Variants in DOCK1 observed in about 807,000 individuals in gnomAD.
The protein encoded by DOCK1 is dedicator of cytokinesis protein 1.
DOCK1 carries 138 observed loss-of-function variants against 262.7 expected under a neutral mutation model. The observed-to-expected ratio is 0.53, with a 90% confidence interval of 0.46 to 0.61. The LOEUF (loss-of-function observed/expected upper bound fraction) is 0.61, where lower values mean the gene tolerates loss of function less well. Ranked by LOEUF, DOCK1 falls within the 20% of genes least tolerant of loss-of-function variation. DOCK1 has a pLI of 0.00. For synonymous variants in DOCK1, 866 were observed against 867.4 expected (o/e 1.00, Z 0.03); for missense variants, 1,908 against 2,370.7 (o/e 0.80, Z 4.05).
intron 28 of DOCK1, 27 bp downstream of exon 28, chr10:127,248,136 A>G (rs2059494697): frequency 6.2e-7 from 1 of 1,601,086 alleles, no homozygotes; most frequent in Admixed American, 1.7e-5. Flanking sequence ...CCCTGTTCAC[A>G]TAACCATGTT....
intron 27 of DOCK1, among the ~76,000 whole-genome samples, chr10:127,142,236 T>C (rs2051331972): frequency 6.6e-6 from 1 of 152,178 alleles, no homozygotes; most frequent in Non-Finnish European, 1.5e-5. Flanking sequence ...AGGGGCTCAT[T>C]CTACAGCCAC....
chr10:127,390,456 G>T (rs1271697084), intron 38 of DOCK1, among the ~76,000 whole-genome samples: 3 of 152,130 alleles, frequency 2.0e-5, no homozygotes, highest in African/African-American at 7.2e-5. Context: ...TTGGAGATAG[G>T]GTCTTTAAAG....
chr10:127,283,602 C>T (rs889508657), intron 29 of DOCK1, among the ~76,000 whole-genome samples: 5 of 152,230 alleles, frequency 3.3e-5, no homozygotes, highest in Non-Finnish European at 4.4e-5. Context: ...GATCTATTTA[C>T]ATGCATACTT....
intron 29 of DOCK1, among the ~76,000 whole-genome samples, chr10:127,316,559 TC>T (rs2062291302): frequency 6.6e-6 from 1 of 152,248 alleles, no homozygotes; most frequent in South Asian, 2.1e-4. Flanking sequence ...ATTTCTTCTT[TC>T]CTTTTTATAT....
intron 29 of DOCK1, among the ~76,000 whole-genome samples, chr10:127,265,195 C>G (rs956509017): frequency 6.6e-6 from 1 of 152,212 alleles, no homozygotes; most frequent in Non-Finnish European, 1.5e-5. Flanking sequence ...CTGACCTGAT[C>G]CATTCAGTCT....
intron 38 of DOCK1, among the ~76,000 whole-genome samples, chr10:127,395,393 A>G (rs6482866): frequency 0.41 from 62,928 of 151,912 alleles, 13,733 homozygotes; most frequent in Middle Eastern, 0.54. Context: ...CATCCCATTC[A>G]TGAGGGCTCC....
chr10:127,250,942 T>C (rs1468108102), intron 28 of DOCK1, among the ~76,000 whole-genome samples: 1 of 151,976 alleles, frequency 6.6e-6, no homozygotes, highest in Non-Finnish European at 1.5e-5. Flanking sequence ...ATACCGAGTA[T>C]ATGACTGTTT....
chr10:127,030,830 ATCTCTGTC>A (rs1239372880), intron 16 of DOCK1, among the ~76,000 whole-genome samples: 2 of 150,784 alleles, frequency 1.3e-5, no homozygotes, highest in Non-Finnish European at 3.0e-5. Flanking sequence ...CTCTATCTCT[ATCTCTGTC>A]TCTCTGTCAC....
At chr10:127,143,770 T>A (rs190976072) in intron 27 of DOCK1, among the ~76,000 whole-genome samples, 2 of 152,172 alleles carry the variant, frequency 1.3e-5, no homozygotes, top group African/African-American at 4.8e-5. Context: ...AAGTCCTTTC[T>A]GGGCCTTGGT....
intron 22 of DOCK1, among the ~76,000 whole-genome samples, chr10:127,056,043 G>A (rs2045118962): frequency 6.6e-6 from 1 of 152,184 alleles, no homozygotes; most frequent in Non-Finnish European, 1.5e-5. Context: ...TGAGACTGTT[G>A]AGGACACAAA....
chr10:126,960,060 G>C (rs900321606), intron 1 of DOCK1, among the ~76,000 whole-genome samples: 58 of 152,276 alleles, frequency 3.8e-4, no homozygotes, highest in Non-Finnish European at 7.8e-4. Context: ...CGCCCGCTTG[G>C]GGCTTACAGG....
intron 29 of DOCK1, among the ~76,000 whole-genome samples, chr10:127,328,119 C>CAAA (rs11301683): frequency 2.6e-3 from 186 of 72,516 alleles, no homozygotes; most frequent in East Asian, 5.0e-3. Flanking sequence ...TACAAATGGG[C>CAAA]AAAAAAAAAA....
chr10:127,126,494 G>C (rs921739455), intron 26 of DOCK1, among the ~76,000 whole-genome samples: 1 of 152,162 alleles, frequency 6.6e-6, no homozygotes, highest in Non-Finnish European at 1.5e-5. Flanking sequence ...GGTTTGGGAA[G>C]CCAAGGCAGG....
intron 51 of DOCK1, among the ~76,000 whole-genome samples, chr10:127,450,403 G>T (rs1189916625): frequency 6.6e-6 from 1 of 152,152 alleles, no homozygotes; most frequent in African/African-American, 2.4e-5. Flanking sequence ...TTTCATTCTG[G>T]TTCTTCTGCC....
intron 5 of DOCK1, 89 bp from the exon 6 acceptor site, chr10:126,990,366 A>T (rs536847265): frequency 9.7e-6 from 13 of 1,333,840 alleles, no homozygotes; most frequent in Admixed American, 4.6e-5. Context: ...CTTATACCTC[A>T]TGCGTATTTG....
intron 10 of DOCK1, among the ~76,000 whole-genome samples, 175 bp from the exon 11 acceptor site, chr10:127,008,557 G>A (rs1019050585): frequency 2.1e-5 from 3 of 144,204 alleles, no homozygotes; most frequent in Non-Finnish European, 4.6e-5. Flanking sequence ...ATTTGGGCCA[G>A]CATTTTCTGA....
At chr10:127,022,931 T>G (rs930864205) in intron 13 of DOCK1, among the ~76,000 whole-genome samples, 8 of 152,168 alleles carry the variant, frequency 5.3e-5, no homozygotes, top group Admixed American at 4.6e-4. Context: ...TCGGCTACCC[T>G]GAGAGGGGTA....
chr10:127,097,529 C>A (rs868785217), intron 23 of DOCK1, among the ~76,000 whole-genome samples: 1 of 152,116 alleles, frequency 6.6e-6, no homozygotes, highest in African/African-American at 2.4e-5. Flanking sequence ...CTCTCTCATG[C>A]CTGAGTGTGC....
intron 27 of DOCK1, among the ~76,000 whole-genome samples, chr10:127,180,287 A>T (rs967954510): frequency 1.3e-5 from 2 of 152,194 alleles, no homozygotes; most frequent in Non-Finnish European, 2.9e-5. Flanking sequence ...TGGACTGAGC[A>T]TGAAGCTGCA....
Sources: gnomAD v4.1 joint callset for allele counts (sites outside exome capture counted in the v4.1 genomes callset) on GRCh38, gnomAD v4.1.1 for gene constraint, MANE v1.5 for transcripts, NCBI Gene and HGNC (gene_info 2026-07-23, HGNC 2026-07-21) for gene names.